Variants in SLC38A9 observed in about 807,000 individuals in gnomAD.
SLC38A9 encodes neutral amino acid transporter 9.
A neutral mutation model predicts 62.3 loss-of-function variants in SLC38A9; 48 were observed. The observed-to-expected ratio is 0.77, with a 90% CI of 0.61 to 0.98. The LOEUF is 0.98. Among genes scored for constraint, SLC38A9 ranks in the 50% least tolerant of loss-of-function variants. SLC38A9 has a pLI of 0.00. For synonymous variants in SLC38A9, 204 were observed against 227.7 expected, an observed-to-expected ratio of 0.90 and a Z score of 0.94; for missense variants, 541 against 679.8, an observed-to-expected ratio of 0.80 and a Z score of 2.27.
intron 11 of SLC38A9, 56 bp downstream of exon 11, chr5:55,649,151 T>C (rs1746920188): frequency 5.2e-6 from 5 of 957,776 alleles, no homozygotes; most frequent in South Asian, 4.1e-5. Context: ...TAGAATAGCA[T>C]ATGACAATGG....
intron 2 of SLC38A9, among the ~76,000 whole-genome samples, chr5:55,701,092 C>T (rs1387831488): frequency 1.3e-5 from 2 of 152,182 alleles, no homozygotes; most frequent in African/African-American, 4.8e-5. Flanking sequence ...ACACTAGCTA[C>T]ATTTGAAGTG....
intron 2 of SLC38A9, among the ~76,000 whole-genome samples, chr5:55,702,045 A>AT (rs1395057411): frequency 9.2e-5 from 14 of 152,278 alleles, no homozygotes; most frequent in African/African-American, 3.4e-4. Flanking sequence ...TAACGGACTC[A>AT]TATGTCCACT....
intron 3 of SLC38A9, among the ~76,000 whole-genome samples, chr5:55,683,414 T>C (rs1051629285): frequency 6.6e-5 from 10 of 152,226 alleles, no homozygotes; most frequent in African/African-American, 2.2e-4. Flanking sequence ...ATTTTGTATA[T>C]ACCATTTTTA....
At chr5:55,710,491 T>C (rs910233049) in intron 2 of SLC38A9, among the ~76,000 whole-genome samples, 3 of 152,150 alleles carry the variant, frequency 2.0e-5, no homozygotes, top group Admixed American at 6.5e-5. Flanking sequence ...TTACAGGCGT[T>C]AGCCACCGCA....
chr5:55,673,960 C>T (rs1365686409), intron 3 of SLC38A9, among the ~76,000 whole-genome samples: 2 of 152,208 alleles, frequency 1.3e-5, no homozygotes, highest in Non-Finnish European at 2.9e-5. Context: ...GATCCACCTG[C>T]CTTGGCCTCC....
intron 3 of SLC38A9, chr5:55,696,308 A>C (rs1271972547): frequency 2.7e-4 from 5 of 18,354 alleles, no homozygotes; most frequent in African/African-American, 4.1e-4. Context: ...TGATCCCCCC[A>C]CCTCCCTCCC....
At chr5:55,695,809 G>A (rs1485106487) in intron 3 of SLC38A9, among the ~76,000 whole-genome samples, 1 of 77,594 alleles carries the variant, frequency 1.3e-5, no homozygotes, top group Non-Finnish European at 3.2e-5. Flanking sequence ...GGTGGTGGCC[G>A]GGCAGAGGGG....
At position 55,664,752 on chromosome 5, in the gene SLC38A9, A is replaced by T. The variant is rs753535851; in HGVS notation, c.638T>A (p.Met213Lys). The stretch of plus-strand genomic sequence containing the variant: ...TGACATAAGCACCCAATAAACTATC[A>T]TTGCTCCAATGAGAGACACCAAGGA... ...LFSLVSLIGAMIVYWVLMSNF... is the reference protein window; with the variant it reads ...LFSLVSLIGAKIVYWVLMSNF... Residue 213 changes from methionine to lysine, a missense_variant, in exon 8 of 16, where the codon ATG becomes AAG. Transcript: ENST00000396865. 2 of 1,585,482 alleles carry T rather than the reference A, an allele frequency of 1.3e-6. No homozygotes were observed. Among genetic ancestry groups the T allele is most frequent in the African/African-American group, 1.4e-5 (1 of 73,036 alleles).
At chr5:55,687,210 C>T (rs1213614113) in intron 3 of SLC38A9, among the ~76,000 whole-genome samples, 5 of 150,740 alleles carry the variant, frequency 3.3e-5, no homozygotes, top group African/African-American at 9.7e-5. Context: ...GAGGCCGAGG[C>T]GGGCGGATCA....
At chr5:55,698,589 A>T (rs955606515) in intron 2 of SLC38A9, among the ~76,000 whole-genome samples, 3 of 152,242 alleles carry the variant, frequency 2.0e-5, no homozygotes, top group African/African-American at 7.2e-5. Context: ...GTAAGGTTTA[A>T]CAAGAAGTAA....
chr5:55,702,247 T>C (rs1404778807), intron 2 of SLC38A9, among the ~76,000 whole-genome samples: 2 of 143,130 alleles, frequency 1.4e-5, no homozygotes, highest in Non-Finnish European at 3.0e-5. Context: ...TTATACATAT[T>C]ACATTTTAGC....
In SLC38A9 at chr5:55,652,563, C is replaced by G. The variant is rs1329378093; in HGVS notation, c.918G>C (p.Lys306Asn). The change falls in exon 10 of 16, where the codon AAG becomes AAC. Residue 306 changes from lysine (K) to asparagine (N), a missense_variant. Physicochemically the swap from Lys to Asn is moderately conservative, Grantham distance 94 (BLOSUM62 0). Coordinates refer to ENST00000396865, the MANE Select transcript of SLC38A9 (RefSeq NM_173514.4). ...TAAATTTTGAAAAAAATGAAGGAGA[C>G]TTGAAATTGAGCAGTGGGAGGAGGA... ...VGLLLPLLNF[K>N]SPSFFSKFNI... is the part of the protein sequence containing the mutation. The G allele has an allele frequency of 2.0e-5, 32 of 1,604,868 alleles. No homozygotes were observed. The highest frequency in any genetic ancestry group is 2.6e-5 in the Non-Finnish European group (31 of 1,175,902).
chr5:55,672,523 CAA>C (rs780971790), intron 4 of SLC38A9, 38 bp downstream of exon 4: 3 of 1,604,848 alleles, frequency 1.9e-6, no homozygotes. Context: ...CTGTTCATTT[CAA>C]CTGAATTTTA....
intron 8 of SLC38A9, among the ~76,000 whole-genome samples, chr5:55,657,811 TTAAA>T (rs1748715825): frequency 6.6e-6 from 1 of 152,212 alleles, no homozygotes; most frequent in South Asian, 2.1e-4. Context: ...TAAAAGTAAG[TTAAA>T]TAGTTAAATT....
intron 2 of SLC38A9, among the ~76,000 whole-genome samples, chr5:55,709,205 C>CA (rs1471601437): frequency 1.3e-5 from 2 of 151,938 alleles, no homozygotes; most frequent in Non-Finnish European, 2.9e-5. Flanking sequence ...TGTGGTCTCA[C>CA]AAAAAAATTA....
At chr5:55,709,913 C>CAAAA (rs1200752565) in intron 2 of SLC38A9, among the ~76,000 whole-genome samples, 8 of 150,838 alleles carry the variant, frequency 5.3e-5, no homozygotes, top group Non-Finnish European at 1.2e-4. Context: ...AAAACACACA[C>CAAAA]AAAAAATTAG....
rs377022771 is a variant in SLC38A9, at chr5:55,677,150, T to C, written c.114-4455A>G. Reference sequence around the variant, plus strand: ...CATGTAATGCAAGTATTAATACTAATATTTTAATTGAAAAGTGTGCAGAAG... The same window carrying C: ...CATGTAATGCAAGTATTAATACTAACATTTTAATTGAAAAGTGTGCAGAAG... On this transcript the variant is annotated intron_variant, in intron 3 of 15. Transcript: ENST00000396865. Among the ~76,000 whole-genome samples, 18 of 152,340 alleles carry C rather than the reference T, an allele frequency of 1.2e-4. No homozygotes were observed. In the South Asian group the frequency reaches 3.5e-3, roughly 30 times the overall value.
chr5:55,707,477 C>A (rs1468726678), intron 2 of SLC38A9, among the ~76,000 whole-genome samples: 1 of 152,136 alleles, frequency 6.6e-6, no homozygotes, highest in Non-Finnish European at 1.5e-5. Context: ...CAAAAATTAG[C>A]CAGCAGTGGT....
At chr5:55,698,016 T>A in intron 2 of SLC38A9, 24 bp from the exon 3 acceptor site, 1 of 818,244 alleles carries the variant, frequency 1.2e-6, no homozygotes, top group Non-Finnish European at 2.0e-6. Context: ...ATAAATAATT[T>A]AGTTTAATTT....
Sources: allele counts gnomAD v4.1 joint callset (sites outside exome capture counted in the v4.1 genomes callset), GRCh38; gene constraint gnomAD v4.1.1; transcripts MANE v1.5; gene names NCBI Gene and HGNC (gene_info 2026-07-23, HGNC 2026-07-21).